The following PRKN variants were observed in gnomAD, a reference collection of about 807,000 sequenced individuals.
PRKN encodes E3 ubiquitin-protein ligase parkin.
PRKN carries 56 observed loss-of-function variants against 59.5 expected under a neutral mutation model. The ratio of observed to expected loss-of-function variants is 0.94; its 90% CI spans 0.76 to 1.18. The LOEUF (loss-of-function observed/expected upper bound fraction) is 1.18, where lower values mean the gene tolerates loss of function less well. Ranked by LOEUF, PRKN falls within the 50% of genes most tolerant of loss-of-function variation. The pLI is 0.00. For missense variants in PRKN, 657 were observed against 596.4 expected, an observed-to-expected ratio of 1.10 and a Z score of -1.06; for synonymous variants, 250 against 222.1, an observed-to-expected ratio of 1.13 and a Z score of -1.12.
intron 9 of PRKN, among the ~76,000 whole-genome samples, chr6:161,508,828 T>C (rs960865970): frequency 1.2e-4 from 19 of 152,022 alleles, no homozygotes; most frequent in Admixed American, 3.3e-4. Context: ...AGTTTCACAG[T>C]TCTTGAGTGT....
At chr6:162,537,913 C>T (rs1778783644) in intron 1 of PRKN, among the ~76,000 whole-genome samples, 1 of 152,142 alleles carries the variant, frequency 6.6e-6, no homozygotes, top group South Asian at 2.1e-4. Flanking sequence ...AAGGGCTTGC[C>T]TTCTCTCTTA....
intron 6 of PRKN, among the ~76,000 whole-genome samples, chr6:161,864,656 T>C (rs1023777911): frequency 2.0e-5 from 3 of 152,112 alleles, no homozygotes; most frequent in Non-Finnish European, 4.4e-5. Context: ...GTTTTTGTTT[T>C]AGTTTGTTTT....
chr6:161,416,347 G>A (rs766103377), intron 9 of PRKN, among the ~76,000 whole-genome samples: 11 of 151,988 alleles, frequency 7.2e-5, no homozygotes, highest in Admixed American at 1.3e-4. Flanking sequence ...GTTTTCCCCC[G>A]AGGAGAGCGC....
intron 2 of PRKN, among the ~76,000 whole-genome samples, chr6:162,326,849 A>G (rs1783308530): frequency 6.6e-6 from 1 of 152,182 alleles, no homozygotes; most frequent in African/African-American, 2.4e-5. Flanking sequence ...GAAAACAACA[A>G]CTGACAATGA....
chr6:162,354,781 T>C (rs1337082763), intron 2 of PRKN, among the ~76,000 whole-genome samples: 1 of 152,112 alleles, frequency 6.6e-6, no homozygotes, highest in Admixed American at 6.6e-5. Flanking sequence ...GTCTTTACTG[T>C]GTCTATCAAC....
chr6:161,591,694 A>G (rs1781732183), intron 7 of PRKN, among the ~76,000 whole-genome samples: 1 of 152,200 alleles, frequency 6.6e-6, no homozygotes, highest in African/African-American at 2.4e-5. Flanking sequence ...CTAATTGAAT[A>G]GTGTTATGAA....
chr6:161,507,191 C>T (rs1043317287), intron 9 of PRKN, among the ~76,000 whole-genome samples: 5 of 152,182 alleles, frequency 3.3e-5, no homozygotes, highest in South Asian at 2.1e-4. Context: ...GGAAGGTGTG[C>T]GGAACCCATT....
chr6:161,495,408 G>A (rs1033915338), intron 9 of PRKN, among the ~76,000 whole-genome samples: 2 of 152,160 alleles, frequency 1.3e-5, no homozygotes, highest in African/African-American at 4.8e-5. Flanking sequence ...AGTATAAGAA[G>A]CCTTCACTGG....
intron 5 of PRKN, among the ~76,000 whole-genome samples, chr6:162,016,779 T>C (rs1385425752): frequency 6.6e-6 from 1 of 152,124 alleles, no homozygotes; most frequent in East Asian, 1.9e-4. Flanking sequence ...GGAGATGTCA[T>C]GGAGCTTTAG....
intron 7 of PRKN, among the ~76,000 whole-genome samples, chr6:161,765,223 C>G (rs1292885244): frequency 6.6e-6 from 1 of 152,276 alleles, no homozygotes; most frequent in South Asian, 2.1e-4. Flanking sequence ...TCATGAAACA[C>G]AGAAGCTACC....
intron 1 of PRKN, among the ~76,000 whole-genome samples, chr6:162,659,848 A>C (rs1778810429): frequency 6.6e-6 from 1 of 152,190 alleles, no homozygotes; most frequent in Non-Finnish European, 1.5e-5. Context: ...ATTAGATAAA[A>C]GTGAGGACAC....
chr6:161,530,777 C>A lies in PRKN; in HGVS notation c.1083+18077G>T, dbSNP rs1174324448. Among the ~76,000 whole-genome samples the A allele has an allele frequency of 6.6e-6, 1 of 152,052 alleles. No homozygotes were observed. Among genetic ancestry groups the A allele is most frequent in the African/African-American group, 2.4e-5 (1 of 41,430 alleles). ...AGGTGATCCGCCCGTATTGGCCTCCCAAAGTGCTGGGATTACAGGCGTGAG... is the reference window on the plus strand; with the variant it reads ...AGGTGATCCGCCCGTATTGGCCTCCAAAAGTGCTGGGATTACAGGCGTGAG... On this transcript the variant is annotated intron_variant, in intron 9 of 11. Transcript: ENST00000366898. The surrounding 1 kb of genome is among the most constrained non-coding windows in gnomAD (Gnocchi z 5.0).
chr6:161,605,503 C>A (rs1782243739), intron 7 of PRKN, among the ~76,000 whole-genome samples: 1 of 148,112 alleles, frequency 6.8e-6, no homozygotes, highest in African/African-American at 2.6e-5. Context: ...CAGAAAGGGG[C>A]TGCCCTCTCT....
chr6:161,422,267 C>T (rs1460684167), intron 9 of PRKN, among the ~76,000 whole-genome samples: 1 of 147,524 alleles, frequency 6.8e-6, no homozygotes, highest in Non-Finnish European at 1.5e-5. Context: ...GGCATGATCT[C>T]GGCTCACTGC....
At chr6:161,949,394 C>T (rs936437255) in intron 6 of PRKN, among the ~76,000 whole-genome samples, 8 of 152,100 alleles carry the variant, frequency 5.3e-5, no homozygotes, top group Non-Finnish European at 1.2e-4. Flanking sequence ...GCCTGTAGTC[C>T]CAGCTACTCG....
intron 5 of PRKN, among the ~76,000 whole-genome samples, chr6:162,032,985 C>G (rs973439514): frequency 4.1e-4 from 62 of 152,220 alleles, no homozygotes; most frequent in African/African-American, 1.5e-3. Flanking sequence ...CCCAATTTCT[C>G]TGAGATCCTG....
intron 2 of PRKN, among the ~76,000 whole-genome samples, chr6:162,388,864 T>G (rs1786998020): frequency 6.6e-6 from 1 of 151,310 alleles, no homozygotes; most frequent in Admixed American, 6.6e-5. Flanking sequence ...GGTATGGGGG[T>G]CTGATGCCCT....
In PRKN at chr6:161,527,435, G is replaced by A. The variant is rs146292525; in HGVS notation, c.1083+21419C>T. Among the ~76,000 whole-genome samples the A allele has an allele frequency of 3.1e-3, 469 of 152,280 alleles. 2 individuals carry two copies. The highest frequency in any genetic ancestry group is 0.01 in the African/African-American group (428 of 41,564). The stretch of plus-strand genomic sequence containing the variant: ...ATAAGGCCAGAAGGGCTGGGAAACA[G>A]GGCATTTCCCTCCCTGAACCTTACA... On this transcript the variant is annotated intron_variant, in intron 9 of 11. Coordinates refer to ENST00000366898, the MANE Select transcript of PRKN (RefSeq NM_004562.3). This position sits in a 1 kb window ranked among gnomAD's most constrained non-coding sequence, Gnocchi z 4.6.
At chr6:162,565,939 T>A (rs1040055194) in intron 1 of PRKN, among the ~76,000 whole-genome samples, 2 of 152,120 alleles carry the variant, frequency 1.3e-5, no homozygotes, top group Non-Finnish European at 1.5e-5. Context: ...GCTATACTTA[T>A]ATCAGAAAAA....
Sources: gnomAD v4.1 joint callset for allele counts (sites outside exome capture counted in the v4.1 genomes callset) on GRCh38, gnomAD v4.1.1 for gene constraint, Gnocchi (gnomAD v3.1) non-coding constraint, MANE v1.5 for transcripts, NCBI Gene and HGNC (gene_info 2026-07-23, HGNC 2026-07-21) for gene names.